Variants in NFKBIZ observed in about 807,000 individuals in gnomAD.
The protein encoded by NFKBIZ is NFKB inhibitor zeta.
NFKBIZ carries 19 observed loss-of-function variants against 76.8 expected under a neutral mutation model. That is an observed-to-expected ratio of 0.25 (90% CI 0.17 to 0.36). NFKBIZ has a LOEUF of 0.36. Among genes scored for constraint, NFKBIZ ranks in the 10% least tolerant of loss-of-function variants. The pLI is 1.00. For missense variants in NFKBIZ, 829 were observed against 910.9 expected, an observed-to-expected ratio of 0.91 and a Z score of 1.16; for synonymous variants, 368 against 354.8, an observed-to-expected ratio of 1.04 and a Z score of -0.42.
At chr3:101,855,954 AG>A (rs1560089402) in intron 9 of NFKBIZ, 52 bp downstream of exon 9, 1 of 1,477,920 alleles carries the variant, frequency 6.8e-7, no homozygotes, top group Non-Finnish European at 9.1e-7. Flanking sequence ...CTGGTTATAT[AG>A]CAAAAGACCT....
chr3:101,831,397 A>G lies in NFKBIZ; in HGVS notation c.-12+1709A>G, dbSNP rs545930326. On this transcript the variant is annotated intron_variant, in intron 2 of 12. Transcript: ENST00000394054. ...GTCTAATACTGAAAGAAAGGTTGAGACATGTCATTGTAAATGCTCTGGATG... is the reference window on the plus strand; with the variant it reads ...GTCTAATACTGAAAGAAAGGTTGAGGCATGTCATTGTAAATGCTCTGGATG... Among the ~76,000 whole-genome samples, 12 of 152,322 alleles carry G rather than the reference A, an allele frequency of 7.9e-5. 1 individual carries two copies. In the South Asian group the frequency reaches 2.3e-3, roughly 29 times the overall value.
At chr3:101,858,627 T>G (rs1943087606) in intron 11 of NFKBIZ, among the ~76,000 whole-genome samples, 1 of 152,226 alleles carries the variant, frequency 6.6e-6, no homozygotes. Flanking sequence ...TGGCTTTTAT[T>G]GTCATACTGT....
At chr3:101,859,291 C>T (rs771209673) in intron 11 of NFKBIZ, 27 bp from the exon 12 acceptor site, 1 of 1,604,300 alleles carries the variant, frequency 6.2e-7, no homozygotes, top group Non-Finnish European at 8.5e-7. Context: ...AAATAAACCT[C>T]ACAAATTTTA....
chr3:101,841,411 T>A (rs1942783808), intron 2 of NFKBIZ, among the ~76,000 whole-genome samples: 1 of 152,220 alleles, frequency 6.6e-6, no homozygotes, highest in African/African-American at 2.4e-5. Flanking sequence ...GGATACCATA[T>A]GGACCAGAAT....
chr3:101,834,002 C>A (rs140992585), intron 2 of NFKBIZ, among the ~76,000 whole-genome samples: 1 of 152,100 alleles, frequency 6.6e-6, no homozygotes, highest in African/African-American at 2.4e-5. Flanking sequence ...ATGCAAATAA[C>A]CTTTAAGAAG....
At chr3:101,858,439 C>CAG in intron 11 of NFKBIZ, 1 of 985,354 alleles carries the variant, frequency 1.0e-6, no homozygotes, top group Non-Finnish European at 1.2e-6. Flanking sequence ...TTGTAAAAGG[C>CAG]AGAGTCCTAA....
chr3:101,851,994 A>G (rs769193641), intron 1 of NFKBIZ, 91 bp from the exon 2 acceptor site: 26 of 1,481,228 alleles, frequency 1.8e-5, no homozygotes, highest in Non-Finnish European at 2.2e-5. Context: ...GGGACTTTAT[A>G]CATTAGGCAA....
intron 2 of NFKBIZ, among the ~76,000 whole-genome samples, chr3:101,838,559 T>A (rs145199832): frequency 1.4e-4 from 22 of 152,336 alleles, no homozygotes; most frequent in Non-Finnish European, 2.9e-4. Flanking sequence ...AATGTAATCA[T>A]TTTAAAATGT....
At chr3:101,858,789 G>A (rs1576820587) in intron 11 of NFKBIZ, among the ~76,000 whole-genome samples, 1 of 152,086 alleles carries the variant, frequency 6.6e-6, no homozygotes, top group East Asian at 1.9e-4. Context: ...GAATGAGCCG[G>A]GATCTTTTCT....
chr3:101,855,056 CCA>C lies in NFKBIZ; in HGVS notation c.1444-3_1444-2del, dbSNP rs957079953. 2.5e-6 allele frequency: 4 copies of C among 1,596,722 alleles called. No homozygotes were observed. The highest frequency in any genetic ancestry group is 1.7e-6 in the Non-Finnish European group (2 of 1,174,416). ...AAAATATCTTTTTTCCTCTGGATAT[CCA>C]CAGAGTGCCTTTCAGGTGGCAGTGG... is the stretch of plus-strand genomic sequence containing the variant. On this transcript the variant is annotated splice_polypyrimidine_tract_variant and splice_region_variant and intron_variant, in intron 6 of 11. Transcript: ENST00000326172.
Position 101,853,206 on chromosome 3 carries a change from G to A in NFKBIZ, c.680G>A (p.Cys227Tyr). 1 of 1,614,122 alleles carries A rather than the reference G, an allele frequency of 6.2e-7. No homozygotes were observed. Among genetic ancestry groups the A allele is most frequent in the Non-Finnish European group, 8.5e-7 (1 of 1,180,024 alleles). The change falls in exon 5 of 12, where the codon TGC (cysteine) becomes TAC (tyrosine). Residue 227 changes from cysteine to tyrosine, a missense_variant. Around this residue, in one of 4 missense-constraint regions of NFKBIZ, gnomAD observed 371 missense variants for 332.3 expected, o/e 1.12. Coordinates refer to ENST00000326172, the MANE Select transcript of NFKBIZ (RefSeq NM_031419.4). ...LQNIINIKNE[C>Y]SPVSLNTVQV... is the part of the protein sequence containing the mutation. ...AACATTATCAACATTAAGAATGAAT[G>A]CAGCCCCGTTTCCCTGAACACAGTT...
chr3:101,838,186 T>A (rs1942746654), intron 2 of NFKBIZ, among the ~76,000 whole-genome samples: 1 of 152,108 alleles, frequency 6.6e-6, no homozygotes, highest in Admixed American at 6.6e-5. Flanking sequence ...TCATAATAAT[T>A]TATGGGAACA....
At chr3:101,858,348 T>C in intron 11 of NFKBIZ, 1 of 971,060 alleles carries the variant, frequency 1.0e-6, no homozygotes, top group Non-Finnish European at 1.2e-6. Flanking sequence ...ATTTAATAGT[T>C]AGAAGAACTT....
intron 1 of NFKBIZ, among the ~76,000 whole-genome samples, chr3:101,850,891 G>C (rs1374638397): frequency 6.6e-6 from 1 of 152,172 alleles, no homozygotes; most frequent in Non-Finnish European, 1.5e-5. Flanking sequence ...TACCCACTTG[G>C]CCTTCATCTG....
intron 2 of NFKBIZ, among the ~76,000 whole-genome samples, chr3:101,842,947 C>T (rs989453280): frequency 7.3e-6 from 1 of 136,894 alleles, no homozygotes; most frequent in African/African-American, 2.8e-5. Flanking sequence ...ACTGATAGGA[C>T]ATTGCCTACA....
chr3:101,854,966 C>A, intron 6 of NFKBIZ, 96 bp from the exon 7 acceptor site: 2 of 1,309,356 alleles, frequency 1.5e-6, no homozygotes, highest in East Asian at 2.4e-5. Context: ...TATTTTCTCT[C>A]TGTGGGTTTT....
chr3:101,845,241 C>T (rs567319153), upstream of NFKBIZ, among the ~76,000 whole-genome samples: 3 of 150,574 alleles, frequency 2.0e-5, no homozygotes, highest in Non-Finnish European at 4.4e-5. Context: ...GCAGTCCAGC[C>T]TGGGTGACAG....
intron 9 of NFKBIZ, 73 bp from the exon 10 acceptor site, chr3:101,857,000 G>T: frequency 9.4e-7 from 1 of 1,064,938 alleles, no homozygotes; most frequent in South Asian, 1.4e-5. Flanking sequence ...CAGGAGACTG[G>T]GTGAAAAGTG....
At position 101,852,906 on chromosome 3, in the gene NFKBIZ, T is replaced by C. The variant is rs755306417; in HGVS notation, c.481T>C (p.Tyr161His). The change falls in exon 4 of 12, where the codon TAC becomes CAC. Residue 161 changes from tyrosine (Y) to histidine (H), a missense_variant. Transcript: ENST00000326172. ...TACAGAATTGAAGAACACAGTATCATACAGTGGGAAAAGGAAAGGGCCCGA... is the reference window on the plus strand; with the variant it reads ...TACAGAATTGAAGAACACAGTATCACACAGTGGGAAAAGGAAAGGGCCCGA... ...QFRELKNTVSYSGKRKGPDSL... is the reference protein window; with the variant it reads ...QFRELKNTVSHSGKRKGPDSL... 1 of 1,614,156 alleles carries C rather than the reference T, an allele frequency of 6.2e-7. No individual in the cohort carries two copies. Among genetic ancestry groups the C allele is most frequent in the South Asian group, 1.1e-5 (1 of 91,080 alleles).
Sources: allele counts gnomAD v4.1 joint callset (sites outside exome capture counted in the v4.1 genomes callset), GRCh38; gene constraint gnomAD v4.1.1; regional missense constraint gnomAD v4.1.1; transcripts MANE v1.5; gene names NCBI Gene and HGNC (gene_info 2026-07-23, HGNC 2026-07-21).